PDE8B: variants seen among roughly 807,000 people sequenced by gnomAD.
The protein encoded by PDE8B is phosphodiesterase 8B.
A neutral mutation model predicts 101.3 loss-of-function variants in PDE8B; 26 were observed. The observed-to-expected ratio is 0.26, with a 90% confidence interval of 0.19 to 0.36. The LOEUF (loss-of-function observed/expected upper bound fraction) is 0.36, where lower values mean the gene tolerates loss of function less well. PDE8B is among the 10% of genes least tolerant of loss of function. The pLI is 1.00. For synonymous variants in PDE8B, 424 were observed against 429.3 expected (o/e 0.99, Z 0.15); for missense variants, 810 against 1,163.1 (o/e 0.70, Z 4.42).
chr5:77,158,734 C>T, the PDE8B span, among the ~76,000 whole-genome samples: 118,692 of 152,120 alleles, frequency 0.78, 46,687 homozygotes, highest in East Asian at 0.9. Context: ...AGGTTTTCCT[C>T]TGGGTGTGGC....
intron 1 of PDE8B, chr5:77,291,367 T>C: frequency 6.2e-7 from 1 of 1,612,040 alleles, no homozygotes; most frequent in Non-Finnish European, 8.5e-7. Context: ...GGTAGCACAG[T>C]GGTCTATGGG....
At chr5:77,147,064 A>C in the PDE8B span, 1 of 421,074 alleles carries the variant, frequency 2.4e-6, no homozygotes, top group South Asian at 2.0e-5. Flanking sequence ...TACTGAGCTA[A>C]AGGAAAGCCT....
intron 8 of PDE8B, 139 bp downstream of exon 8, chr5:77,349,698 G>C: frequency 1.0e-6 from 1 of 998,568 alleles, no homozygotes; most frequent in Non-Finnish European, 1.5e-6. Context: ...TTTGCAAAAT[G>C]AGTTCGTTTT....
chr5:77,423,646 T>G (rs1316925794), intron 20 of PDE8B, among the ~76,000 whole-genome samples: 10 of 128,366 alleles, frequency 7.8e-5, no homozygotes, highest in East Asian at 6.5e-4. Context: ...TTTTTTTTTT[T>G]TTTTTTTTTT....
At chr5:77,236,288 T>C (rs1754677553) in intron 1 of PDE8B, among the ~76,000 whole-genome samples, 1 of 152,080 alleles carries the variant, frequency 6.6e-6, no homozygotes, top group Non-Finnish European at 1.5e-5. Flanking sequence ...TAGACACAAA[T>C]GTGGGAGTCA....
At chr5:77,352,230 C>G (rs1024585546) in intron 9 of PDE8B, among the ~76,000 whole-genome samples, 7 of 152,198 alleles carry the variant, frequency 4.6e-5, no homozygotes, top group African/African-American at 1.7e-4. Context: ...CCATTCTCAC[C>G]CACAGGCAGT....
chr5:77,340,816 C>T lies in PDE8B; in HGVS notation c.797+3501C>T, dbSNP rs114016949. ...CATCCTGCTTTTTCAGTCTGGTGCA[C>T]TTTCCACTCAGCATAGCACTATATT... On this transcript the variant is annotated intron_variant, in intron 6 of 21. Transcript: ENST00000264917. 8.1e-3 allele frequency among the ~76,000 whole-genome samples: 1,236 copies of T among 152,210 alleles called. 6 individuals are homozygous for T. The highest frequency in any genetic ancestry group is 0.013 in the Non-Finnish European group (857 of 68,002).
intron 1 of PDE8B, among the ~76,000 whole-genome samples, chr5:77,276,541 A>G (rs1452976705): frequency 6.6e-6 from 1 of 152,244 alleles, no homozygotes; most frequent in Non-Finnish European, 1.5e-5. Context: ...GTGAATGAAT[A>G]AAGAGCTTTA....
intron 10 of PDE8B, among the ~76,000 whole-genome samples, chr5:77,357,427 C>T (rs1302851166): frequency 6.6e-6 from 1 of 152,188 alleles, no homozygotes; most frequent in Non-Finnish European, 1.5e-5. Flanking sequence ...AAAATGACCT[C>T]CTGCCCTTTT....
the PDE8B span, among the ~76,000 whole-genome samples, chr5:77,162,474 T>C: frequency 2.6e-5 from 4 of 151,966 alleles, no homozygotes; most frequent in East Asian, 7.7e-4. Flanking sequence ...AAAAAATAAA[T>C]TGAAAGGGAA....
chr5:77,149,144 T>C, the PDE8B span, among the ~76,000 whole-genome samples: 1 of 152,184 alleles, frequency 6.6e-6, no homozygotes, highest in African/African-American at 2.4e-5. Flanking sequence ...CCATTGATTT[T>C]TTTGGCACCT....
chr5:77,391,459 C>T (rs1789907630), intron 10 of PDE8B, among the ~76,000 whole-genome samples: 1 of 152,136 alleles, frequency 6.6e-6, no homozygotes, highest in Non-Finnish European at 1.5e-5. Flanking sequence ...TGCAGAGAGC[C>T]CAGCAAAGGC....
chr5:77,412,553 A>ATTTT (rs34014902), intron 16 of PDE8B, among the ~76,000 whole-genome samples: 1 of 147,666 alleles, frequency 6.8e-6, no homozygotes. Flanking sequence ...AGCACTATAG[A>ATTTT]TTTTTTTTTT....
intron 1 of PDE8B, among the ~76,000 whole-genome samples, chr5:77,306,531 G>A (rs1771246257): frequency 6.6e-6 from 1 of 152,182 alleles, no homozygotes; most frequent in Non-Finnish European, 1.5e-5. Flanking sequence ...ACCATTGTCA[G>A]AGGGCAAGGG....
intron 1 of PDE8B, chr5:77,290,842 C>T (rs899923553): frequency 6.5e-7 from 1 of 1,541,592 alleles, no homozygotes; most frequent in African/African-American, 1.4e-5. Flanking sequence ...TGGAAAGGAG[C>T]TCCAACCACT....
In PDE8B at chr5:77,400,243, T is replaced by C. The variant is rs756336669; in HGVS notation, c.1168-5T>C. The C allele has an allele frequency of 6.3e-7, 1 of 1,595,346 alleles. No individual in the cohort carries two copies. On this transcript the variant is annotated splice_region_variant and splice_polypyrimidine_tract_variant and intron_variant, in intron 10 of 21. Coordinates refer to ENST00000264917, the MANE Select transcript of PDE8B (RefSeq NM_003719.5). ...TTGTTTTATCAAACTTTTGAACGAC[T>C]TTAGATTCACAAGATTCATCGTGAT...
At chr5:77,284,179 T>G (rs1347861774) in intron 1 of PDE8B, among the ~76,000 whole-genome samples, 4 of 152,240 alleles carry the variant, frequency 2.6e-5, no homozygotes, top group African/African-American at 9.6e-5. Flanking sequence ...GGTTGTTCAT[T>G]TTCTTATGGT....
intron 10 of PDE8B, among the ~76,000 whole-genome samples, chr5:77,390,998 C>T (rs1174133119): frequency 2.0e-5 from 3 of 152,194 alleles, no homozygotes; most frequent in Admixed American, 6.5e-5. Context: ...TGGGAATACA[C>T]GTAAGAGATG....
chr5:77,381,949 T>A (rs1401095189), intron 10 of PDE8B, among the ~76,000 whole-genome samples: 1 of 152,208 alleles, frequency 6.6e-6, no homozygotes, highest in African/African-American at 2.4e-5. Flanking sequence ...CATAGTAGGG[T>A]GTCCCAGGGA....
Sources: allele counts gnomAD v4.1 joint callset (sites outside exome capture counted in the v4.1 genomes callset), GRCh38; gene constraint gnomAD v4.1.1; transcripts MANE v1.5; gene names NCBI Gene and HGNC (gene_info 2026-07-23, HGNC 2026-07-21).